The following PDE4D variants were observed in gnomAD, a reference collection of about 807,000 sequenced individuals.
PDE4D encodes the protein 3',5'-cyclic-AMP phosphodiesterase 4D.
A neutral mutation model predicts 87.4 loss-of-function variants in PDE4D; 24 were observed. The observed-to-expected ratio is 0.27, with a 90% CI of 0.20 to 0.39. PDE4D has a LOEUF of 0.39. Among genes scored for constraint, PDE4D ranks in the 10% least tolerant of loss-of-function variants. The probability of loss-of-function intolerance (pLI) is 1.00; values close to 1 mark genes in which losing one functional copy is unlikely to be tolerated. For synonymous variants in PDE4D, 384 were observed against 383.2 expected (o/e 1.00, Z -0.02); for missense variants, 714 against 1,041.0 (o/e 0.69, Z 4.32).
chr5:59,522,274 G>A (rs949482781), intron 1 of PDE4D, among the ~76,000 whole-genome samples: 3 of 152,202 alleles, frequency 2.0e-5, no homozygotes, highest in Non-Finnish European at 4.4e-5. Context: ...TTAAGAGGGT[G>A]TTTATTTGGA....
intron 1 of PDE4D, among the ~76,000 whole-genome samples, chr5:59,442,348 G>A (rs1797759531): frequency 6.6e-6 from 1 of 152,100 alleles, no homozygotes; most frequent in Admixed American, 6.5e-5. Context: ...CAACATCCAA[G>A]TTTTCATAAT....
intron 1 of PDE4D, among the ~76,000 whole-genome samples, chr5:59,696,513 A>G (rs1490298266): frequency 6.6e-6 from 1 of 152,214 alleles, no homozygotes; most frequent in Non-Finnish European, 1.5e-5. Flanking sequence ...AAGAGAGGGT[A>G]AGAATGGCGC....
At chr5:60,440,107 G>A (rs910999411) in intron 1 of PDE4D, among the ~76,000 whole-genome samples, 6 of 151,942 alleles carry the variant, frequency 3.9e-5, no homozygotes, top group Non-Finnish European at 8.8e-5. Context: ...GAGTCTTTGC[G>A]AGGTAACAGC....
At chr5:59,388,103 T>A (rs1269316691) in intron 1 of PDE4D, among the ~76,000 whole-genome samples, 1 of 152,132 alleles carries the variant, frequency 6.6e-6, no homozygotes, top group East Asian at 1.9e-4. Flanking sequence ...TTCATCCATG[T>A]GATCCCAAAT....
intron 5 of PDE4D, among the ~76,000 whole-genome samples, chr5:59,179,211 AT>A (rs1383130750): frequency 6.6e-6 from 1 of 152,082 alleles, no homozygotes. Context: ...GGTTCAAGCG[AT>A]TCTCCTGCCT....
At position 58,973,003 on chromosome 5, in the gene PDE4D, T is replaced by C. The variant is rs1269541461; in HGVS notation, c.*1661A>G. The stretch of plus-strand genomic sequence containing the variant: ...GCAAGATATGCTTATGGATCGAGGA[T>C]AAGTGATAAAGGACTTCCTACACGT... On this transcript the variant is annotated 3_prime_UTR_variant, in exon 15 of 15. Transcript: ENST00000340635. 6.6e-6 allele frequency: 1 copy of C among 152,172 alleles called. No individual in the cohort carries two copies. The highest frequency in any genetic ancestry group is 6.5e-5 in the Admixed American group (1 of 15,274). The allele number at this position is 152,172 out of a possible 1,614,324, so 9.4% of individuals were successfully genotyped here.
intron 1 of PDE4D, among the ~76,000 whole-genome samples, chr5:59,473,490 C>G (rs1303324892): frequency 2.6e-5 from 4 of 152,056 alleles, no homozygotes; most frequent in African/African-American, 7.2e-5. Context: ...AGGTACTTTT[C>G]CTTCCTATAA....
intron 1 of PDE4D, among the ~76,000 whole-genome samples, chr5:59,890,085 C>T (rs1179047244): frequency 6.6e-6 from 1 of 152,152 alleles, no homozygotes; most frequent in Non-Finnish European, 1.5e-5. Flanking sequence ...AAGATAATAT[C>T]TGGAAATGCT....
intron 1 of PDE4D, among the ~76,000 whole-genome samples, chr5:59,887,685 A>AAC (rs1561818915): frequency 6.6e-6 from 1 of 152,064 alleles, no homozygotes; most frequent in Non-Finnish European, 1.5e-5. Context: ...AACCCACATT[A>AAC]AAGTTTAGAG....
chr5:59,320,224 T>C (rs1049950230), intron 1 of PDE4D, among the ~76,000 whole-genome samples: 3 of 151,894 alleles, frequency 2.0e-5, no homozygotes, highest in Admixed American at 1.3e-4. Flanking sequence ...TTAATAAAAA[T>C]GGGATGCTGA....
chr5:59,062,703 GTTT>G (rs34248179), intron 5 of PDE4D, among the ~76,000 whole-genome samples: 6 of 137,670 alleles, frequency 4.4e-5, no homozygotes, highest in Non-Finnish European at 7.8e-5. Flanking sequence ...AATGCATGTG[GTTT>G]TTTTTTTTTT....
intron 1 of PDE4D, among the ~76,000 whole-genome samples, chr5:60,391,693 T>A (rs1316898596): frequency 6.6e-6 from 1 of 152,228 alleles, no homozygotes; most frequent in Non-Finnish European, 1.5e-5. Context: ...ATAATCTCCC[T>A]ATTATAAGAT....
At chr5:59,308,788 G>A (rs771251539) in intron 1 of PDE4D, among the ~76,000 whole-genome samples, 1 of 151,948 alleles carries the variant, frequency 6.6e-6, no homozygotes, top group Non-Finnish European at 1.5e-5. Context: ...TGGTAGTATG[G>A]GGAGGAACCC....
intron 5 of PDE4D, among the ~76,000 whole-genome samples, chr5:59,144,442 G>T (rs1778329316): frequency 6.6e-6 from 1 of 152,100 alleles, no homozygotes; most frequent in South Asian, 2.1e-4. Flanking sequence ...GACAAAATGA[G>T]ACAGTAAATA....
intron 1 of PDE4D, among the ~76,000 whole-genome samples, chr5:60,193,621 G>A (rs1357398337): frequency 8.0e-5 from 10 of 124,260 alleles, no homozygotes; most frequent in Admixed American, 1.0e-4. Context: ...GCAGTGAGCC[G>A]AGATTGCGCC....
At chr5:60,497,365 T>C (rs1052489499) in intron 1 of PDE4D, among the ~76,000 whole-genome samples, 1 of 152,154 alleles carries the variant, frequency 6.6e-6, no homozygotes, top group Admixed American at 6.6e-5. Context: ...TCTTATGTAT[T>C]GGCCGCTTGC....
At chr5:59,549,169 G>A (rs1000975474) in intron 1 of PDE4D, among the ~76,000 whole-genome samples, 4 of 152,112 alleles carry the variant, frequency 2.6e-5, no homozygotes, top group Admixed American at 1.3e-4. Flanking sequence ...AGTTCATGAC[G>A]TCTGCCAGGT....
intron 1 of PDE4D, among the ~76,000 whole-genome samples, chr5:59,799,805 T>G (rs1766908732): frequency 6.6e-6 from 1 of 152,206 alleles, no homozygotes; most frequent in Non-Finnish European, 1.5e-5. Context: ...CTTATTTGGT[T>G]TAGATACCCA....
intron 1 of PDE4D, among the ~76,000 whole-genome samples, chr5:59,220,377 CAAAAAAAAAA>C (rs57610513): frequency 0.3 from 10,908 of 36,236 alleles, 457 homozygotes; most frequent in African/African-American, 0.35. Flanking sequence ...GACTCTGTCT[CAAAAAAAAAA>C]AAAAAAAAAA....
Sources: allele counts gnomAD v4.1 joint callset (sites outside exome capture counted in the v4.1 genomes callset), GRCh38; gene constraint gnomAD v4.1.1; transcripts MANE v1.5; gene names NCBI Gene and HGNC (gene_info 2026-07-23, HGNC 2026-07-21).